The following TNPO3 variants were observed in gnomAD, a reference collection of about 807,000 sequenced individuals.
TNPO3 encodes transportin-3.
TNPO3 carries 65 observed loss-of-function variants against 122.8 expected under a neutral mutation model. That is an observed-to-expected ratio of 0.53 (90% CI 0.43 to 0.65). The LOEUF (loss-of-function observed/expected upper bound fraction) is 0.65. Among genes scored for constraint, TNPO3 ranks in the 30% least tolerant of loss-of-function variants. The pLI, the probability that TNPO3 is intolerant of heterozygous loss-of-function variation, is 0.00. For missense variants in TNPO3, 850 were observed against 1,136.7 expected (o/e 0.75, Z 3.63); for synonymous variants, 372 against 411.2 (o/e 0.90, Z 1.15).
Position 128,972,409 on chromosome 7 carries a change from A to G in TNPO3, c.2430+17T>C, listed in dbSNP as rs1172877526. 6.2e-7 allele frequency: 1 copy of G among 1,600,904 alleles called. No individual in the cohort carries two copies. The highest frequency in any genetic ancestry group is 2.2e-5 in the East Asian group (1 of 44,650). On this transcript the variant is annotated intron_variant, in intron 19 of 22. Transcript: ENST00000265388. ...ATAAAAGCTGTTAAGTAGAAATGGTATCATTTTTATACTTACATCATTGGC... is the reference window on the plus strand; with the variant it reads ...ATAAAAGCTGTTAAGTAGAAATGGTGTCATTTTTATACTTACATCATTGGC...
chr7:129,016,868 T>A, intron 3 of TNPO3, 115 bp downstream of exon 3: 1 of 829,506 alleles, frequency 1.2e-6, no homozygotes, highest in East Asian at 2.5e-5. Flanking sequence ...AATAACATAA[T>A]TCTATGTTAA....
At chr7:128,972,711 A>T in intron 18 of TNPO3, 129 bp from the exon 19 acceptor site, 1 of 756,664 alleles carries the variant, frequency 1.3e-6, no homozygotes, top group Non-Finnish European at 2.1e-6. Context: ...GGAAGAAGGG[A>T]TGAATAGACA....
chr7:129,034,330 T>C (rs1461620811), intron 1 of TNPO3, among the ~76,000 whole-genome samples: 1 of 151,626 alleles, frequency 6.6e-6, no homozygotes, highest in Non-Finnish European at 1.5e-5. Context: ...AGGACCAGTC[T>C]GGGCAACAAG....
rs1801918208 is a variant in TNPO3, at chr7:129,001,251, AATAGGG to A, written c.697-23_697-18del. ...ATCCTGTTGCTGGGGAGGTAGCAGGAATAGGGAAGCAAGAAGTATGATCACTAAGGA... is the reference window on the plus strand; with the variant it reads ...ATCCTGTTGCTGGGGAGGTAGCAGGAAAGCAAGAAGTATGATCACTAAGGA... On this transcript the variant is annotated intron_variant, in intron 5 of 22. Coordinates refer to ENST00000265388, the MANE Select transcript of TNPO3 (RefSeq NM_012470.4). The A allele has an allele frequency of 6.3e-7, 1 of 1,588,694 alleles. No homozygotes were observed. The highest frequency in any genetic ancestry group is 8.6e-7 in the Non-Finnish European group (1 of 1,160,718).
intron 22 of TNPO3, among the ~76,000 whole-genome samples, chr7:128,955,975 A>G (rs777737270): frequency 6.6e-6 from 1 of 152,202 alleles, no homozygotes; most frequent in African/African-American, 2.4e-5. Context: ...ATAGTAACAA[A>G]TCCAGAAAAG....
At chr7:129,026,049 C>A (rs1805118122) in intron 1 of TNPO3, among the ~76,000 whole-genome samples, 1 of 150,988 alleles carries the variant, frequency 6.6e-6, no homozygotes, top group Admixed American at 6.6e-5. Context: ...TTGCTTGAAC[C>A]TGGGAGGGGA....
chr7:128,969,705 T>C (rs1309470324), intron 20 of TNPO3, among the ~76,000 whole-genome samples: 2 of 152,218 alleles, frequency 1.3e-5, no homozygotes, highest in African/African-American at 4.8e-5. Context: ...CAACTGTACA[T>C]TGTGGGTTAC....
chr7:129,015,182 C>A, intron 3 of TNPO3, 47 bp from the exon 4 acceptor site: 1 of 1,584,940 alleles, frequency 6.3e-7, no homozygotes, highest in Admixed American at 1.9e-5. Context: ...CCAGAAAATA[C>A]ACAATCACAT....
At chr7:129,041,211 T>G (rs1807340288) in intron 1 of TNPO3, among the ~76,000 whole-genome samples, 2 of 151,884 alleles carry the variant, frequency 1.3e-5, no homozygotes, top group Non-Finnish European at 1.5e-5. Context: ...TAAAAAAAAT[T>G]TAAAAATCAG....
intron 4 of TNPO3, among the ~76,000 whole-genome samples, chr7:129,009,580 G>A (rs2150406804): frequency 6.6e-6 from 1 of 152,344 alleles, no homozygotes; most frequent in South Asian, 2.1e-4. Flanking sequence ...TTGTCATGAT[G>A]TGCTAAGTCA....
chr7:129,027,368 C>A (rs1805315573), intron 1 of TNPO3, among the ~76,000 whole-genome samples: 1 of 151,690 alleles, frequency 6.6e-6, no homozygotes, highest in Non-Finnish European at 1.5e-5. Flanking sequence ...TGAGACTAAC[C>A]TGACTAATAT....
intron 3 of TNPO3, among the ~76,000 whole-genome samples, chr7:129,016,757 G>C (rs774325693): frequency 6.6e-6 from 1 of 152,218 alleles, no homozygotes; most frequent in Non-Finnish European, 1.5e-5. Flanking sequence ...ATTAATTCAA[G>C]AAGTGTGTGT....
At chr7:128,987,226 TC>T (rs1393226176) in intron 11 of TNPO3, among the ~76,000 whole-genome samples, 1 of 152,170 alleles carries the variant, frequency 6.6e-6, no homozygotes, top group Non-Finnish European at 1.5e-5. Context: ...TATATGGCAA[TC>T]CAGGTATTAA....
chr7:128,983,319 G>A (rs1159925993), intron 13 of TNPO3, among the ~76,000 whole-genome samples: 2 of 151,950 alleles, frequency 1.3e-5, no homozygotes, highest in South Asian at 2.1e-4. Context: ...TGATTCTCCC[G>A]CCTCAGCCTC....
At chr7:129,003,272 T>C (rs1020062866) in intron 5 of TNPO3, among the ~76,000 whole-genome samples, 1 of 149,948 alleles carries the variant, frequency 6.7e-6, no homozygotes, top group Non-Finnish European at 1.5e-5. Flanking sequence ...TTCTTTTGTA[T>C]ATATGAAGTA....
intron 16 of TNPO3, among the ~76,000 whole-genome samples, chr7:128,977,862 C>T (rs1049236730): frequency 9.2e-5 from 14 of 152,180 alleles, no homozygotes; most frequent in Admixed American, 2.6e-4. Flanking sequence ...TCCCAAAGTG[C>T]TGGGATTACA....
chr7:129,045,909 C>T (rs974010969), intron 1 of TNPO3, among the ~76,000 whole-genome samples: 2 of 152,002 alleles, frequency 1.3e-5, no homozygotes, highest in African/African-American at 4.8e-5. Flanking sequence ...AAATAAGAAA[C>T]TGATTTTAGG....
At chr7:128,999,381 G>C (rs1801681063) in intron 7 of TNPO3, among the ~76,000 whole-genome samples, 1 of 152,136 alleles carries the variant, frequency 6.6e-6, no homozygotes, top group Admixed American at 6.5e-5. Context: ...ATAACTGCGT[G>C]GTGTTACATT....
intron 4 of TNPO3, among the ~76,000 whole-genome samples, chr7:129,007,242 A>G (rs549093294): frequency 9.8e-5 from 15 of 152,294 alleles, no homozygotes; most frequent in African/African-American, 3.6e-4. Flanking sequence ...CACAGGTAGG[A>G]AACAGCATAG....
Sources: gnomAD v4.1 joint callset for allele counts (sites outside exome capture counted in the v4.1 genomes callset) on GRCh38, gnomAD v4.1.1 for gene constraint, MANE v1.5 for transcripts, NCBI Gene and HGNC (gene_info 2026-07-23, HGNC 2026-07-21) for gene names.